Variants in CCDC148 observed in about 807,000 individuals in gnomAD.
CCDC148 encodes coiled-coil domain containing 148.
Under a neutral mutation model 85.7 loss-of-function variants are expected in CCDC148, and 89 were observed. That is an observed-to-expected ratio of 1.04 (90% CI 0.87 to 1.24). The LOEUF is 1.24. Ranked by LOEUF, CCDC148 falls within the 50% of genes most tolerant of loss-of-function variation. The pLI is 0.00. For synonymous variants in CCDC148, 230 were observed against 213.9 expected, an observed-to-expected ratio of 1.08 and a Z score of -0.66; for missense variants, 692 against 671.7, an observed-to-expected ratio of 1.03 and a Z score of -0.33.
At chr2:158,252,385 G>GAAT (rs1688830204) in intron 9 of CCDC148, among the ~76,000 whole-genome samples, 1 of 151,552 alleles carries the variant, frequency 6.6e-6, no homozygotes, top group Non-Finnish European at 1.5e-5. Flanking sequence ...CCCATTCCTA[G>GAAT]AATAGATCAT....
At chr2:158,292,145 T>C (rs59102680) in intron 9 of CCDC148, among the ~76,000 whole-genome samples, 1,904 of 152,224 alleles carry the variant, frequency 0.013, 29 homozygotes, top group African/African-American at 0.039. Context: ...AAAAAGAACT[T>C]CCAGCAAGCC....
chr2:158,328,413 T>C (rs933888384), intron 7 of CCDC148, among the ~76,000 whole-genome samples: 3 of 152,224 alleles, frequency 2.0e-5, no homozygotes, highest in East Asian at 1.9e-4. Context: ...CAGTCTATCA[T>C]TGTTGGACAT....
chr2:158,175,245 C>T (rs1325724321), intron 13 of CCDC148, among the ~76,000 whole-genome samples: 1 of 152,044 alleles, frequency 6.6e-6, no homozygotes, highest in Non-Finnish European at 1.5e-5. Flanking sequence ...CAAGCCTCAG[C>T]TATTCTCCCC....
At chr2:158,399,362 T>C (rs1326121539) in intron 1 of CCDC148, among the ~76,000 whole-genome samples, 3 of 152,020 alleles carry the variant, frequency 2.0e-5, no homozygotes, top group East Asian at 1.9e-4. Flanking sequence ...TGAATATCAA[T>C]GGGAAAAATC....
intron 1 of CCDC148, among the ~76,000 whole-genome samples, chr2:158,399,237 C>G (rs13399109): frequency 6.6e-6 from 1 of 151,964 alleles, no homozygotes; most frequent in Non-Finnish European, 1.5e-5. Flanking sequence ...CTATTCCAAT[C>G]GATAGAAAAA....
intron 2 of CCDC148, among the ~76,000 whole-genome samples, chr2:158,351,212 A>G (rs1683253124): frequency 6.6e-6 from 1 of 152,202 alleles, no homozygotes; most frequent in Non-Finnish European, 1.5e-5. Flanking sequence ...AACTTCATAA[A>G]GGTAAGGGCT....
chr2:158,225,830 C>G (rs1687485089), intron 10 of CCDC148, among the ~76,000 whole-genome samples: 1 of 152,106 alleles, frequency 6.6e-6, no homozygotes, highest in Admixed American at 6.5e-5. Flanking sequence ...ATTTATAGCA[C>G]TAAATGCCCA....
At chr2:158,442,420 T>C (rs1687973487) in intron 1 of CCDC148, among the ~76,000 whole-genome samples, 1 of 152,204 alleles carries the variant, frequency 6.6e-6, no homozygotes, top group Admixed American at 6.5e-5. Context: ...AATTATGGTA[T>C]GCCAGTTCAG....
chr2:158,228,248 C>G (rs1226266731), intron 10 of CCDC148, among the ~76,000 whole-genome samples: 1 of 152,150 alleles, frequency 6.6e-6, no homozygotes, highest in Non-Finnish European at 1.5e-5. Flanking sequence ...TAAATCAAAA[C>G]CACAATGAGA....
At chr2:158,342,665 G>T (rs971289590) in intron 3 of CCDC148, among the ~76,000 whole-genome samples, 2 of 152,140 alleles carry the variant, frequency 1.3e-5, no homozygotes, top group Admixed American at 1.3e-4. Context: ...CACCTTTCTG[G>T]AAGGATAAGA....
At chr2:158,188,483 T>C (rs1428673111) in intron 11 of CCDC148, among the ~76,000 whole-genome samples, 1 of 151,854 alleles carries the variant, frequency 6.6e-6, no homozygotes, top group Non-Finnish European at 1.5e-5. Flanking sequence ...AACTGCCTAT[T>C]ATGGACACAC....
chr2:158,406,665 C>T (rs1340300780), intron 1 of CCDC148, among the ~76,000 whole-genome samples: 1 of 75,362 alleles, frequency 1.3e-5, no homozygotes, highest in African/African-American at 4.7e-5. Flanking sequence ...CTCCATTACC[C>T]AGGCTGGAGT....
Position 158,178,872 on chromosome 2 carries a change from A to G in CCDC148, c.1488+7T>C, listed in dbSNP as rs1483397885. Reference sequence around the variant, plus strand: ...ACCACCCATGAAAATTTCCAAATGAAAAACACCTGTTTCCTAAGGGCTTCT... The same window carrying G: ...ACCACCCATGAAAATTTCCAAATGAGAAACACCTGTTTCCTAAGGGCTTCT... On this transcript the variant is annotated splice_region_variant and intron_variant, in intron 12 of 13. Transcript: ENST00000283233. 3 of 1,600,726 alleles carry G rather than the reference A, an allele frequency of 1.9e-6. No individual in the cohort carries two copies. The highest frequency in any genetic ancestry group is 1.7e-5 in the Admixed American group (1 of 58,754).
chr2:158,447,623 G>A (rs750908170), intron 1 of CCDC148, among the ~76,000 whole-genome samples: 10 of 152,126 alleles, frequency 6.6e-5, no homozygotes, highest in African/African-American at 1.9e-4. Context: ...TACTGGTATC[G>A]TATTGTGGTT....
intron 9 of CCDC148, among the ~76,000 whole-genome samples, chr2:158,269,090 T>C (rs948380211): frequency 1.3e-5 from 2 of 152,182 alleles, no homozygotes; most frequent in African/African-American, 4.8e-5. Flanking sequence ...GAAGATGAAT[T>C]GCTGGGCATA....
chr2:158,192,057 C>G (rs1371627715), intron 11 of CCDC148, among the ~76,000 whole-genome samples: 1 of 151,976 alleles, frequency 6.6e-6, no homozygotes, highest in Non-Finnish European at 1.5e-5. Context: ...TAACAGGGAA[C>G]CAACTTTACT....
intron 9 of CCDC148, among the ~76,000 whole-genome samples, chr2:158,298,694 T>C (rs1691308350): frequency 6.6e-6 from 1 of 152,206 alleles, no homozygotes; most frequent in African/African-American, 2.4e-5. Context: ...TATTTTACAT[T>C]TCTAGAATTT....
intron 7 of CCDC148, among the ~76,000 whole-genome samples, chr2:158,324,587 T>C (rs1692677808): frequency 6.6e-6 from 1 of 152,120 alleles, no homozygotes; most frequent in Non-Finnish European, 1.5e-5. Flanking sequence ...ATTATTTCCT[T>C]AAAGATCATA....
chr2:158,422,885 G>A (rs1686872069), intron 1 of CCDC148, among the ~76,000 whole-genome samples: 1 of 151,604 alleles, frequency 6.6e-6, no homozygotes, highest in Admixed American at 6.6e-5. Context: ...CTTCAGTAAA[G>A]TCTCAGGATA....
Sources: allele counts gnomAD v4.1 joint callset (sites outside exome capture counted in the v4.1 genomes callset), GRCh38; gene constraint gnomAD v4.1.1; transcripts MANE v1.5; gene names NCBI Gene and HGNC (gene_info 2026-07-23, HGNC 2026-07-21).